Variants in CERS6 observed in about 807,000 individuals in gnomAD.
CERS6 encodes the protein ceramide synthase 6.
Under a neutral mutation model 56.8 loss-of-function variants are expected in CERS6, and 26 were observed. The observed-to-expected ratio is 0.46, with a 90% CI of 0.34 to 0.63. The LOEUF (loss-of-function observed/expected upper bound fraction) is 0.63. Ranked by LOEUF, CERS6 falls within the 30% of genes least tolerant of loss-of-function variation. The probability of loss-of-function intolerance (pLI) is 0.01; values close to 1 mark genes in which losing one functional copy is unlikely to be tolerated. For missense variants in CERS6, 415 were observed against 467.5 expected, an observed-to-expected ratio of 0.89 and a Z score of 1.04; for synonymous variants, 164 against 173.3, an observed-to-expected ratio of 0.95 and a Z score of 0.42.
chr2:168,585,471 T>C (rs1683519249), intron 3 of CERS6, among the ~76,000 whole-genome samples: 1 of 152,216 alleles, frequency 6.6e-6, no homozygotes, highest in Non-Finnish European at 1.5e-5. Context: ...AGATCTGAAC[T>C]AAAGCCTTCT....
At chr2:168,681,409 T>A (rs1686211780) in intron 4 of CERS6, among the ~76,000 whole-genome samples, 1 of 152,244 alleles carries the variant, frequency 6.6e-6, no homozygotes. Flanking sequence ...AATTATTGAA[T>A]AATTTGAGGG....
chr2:168,704,147 T>A (rs1686873628), intron 6 of CERS6, among the ~76,000 whole-genome samples: 1 of 152,160 alleles, frequency 6.6e-6, no homozygotes, highest in African/African-American at 2.4e-5. Context: ...CATCTTTAGA[T>A]CTCATGGTCA....
chr2:168,607,101 G>A (rs1329143842), intron 3 of CERS6, among the ~76,000 whole-genome samples: 2 of 151,890 alleles, frequency 1.3e-5, no homozygotes, highest in Admixed American at 1.3e-4. Context: ...ATTACAATGG[G>A]TTTTTACATT....
chr2:168,682,527 G>A (rs1336630803), intron 4 of CERS6, among the ~76,000 whole-genome samples: 2 of 152,122 alleles, frequency 1.3e-5, no homozygotes, highest in Non-Finnish European at 2.9e-5. Context: ...TTTTAGCATA[G>A]CGGTAGTGAG....
intron 2 of CERS6, among the ~76,000 whole-genome samples, chr2:168,558,109 C>T (rs1695716605): frequency 1.3e-5 from 2 of 152,102 alleles, no homozygotes; most frequent in African/African-American, 4.8e-5. Context: ...AAAATGGAAA[C>T]GTCTGATATC....
intron 8 of CERS6, among the ~76,000 whole-genome samples, chr2:168,741,009 G>A (rs6433089): frequency 0.15 from 22,982 of 152,082 alleles, 2,030 homozygotes; most frequent in African/African-American, 0.25. Flanking sequence ...TAGAGGTAGA[G>A]AGAGTGATGC....
At chr2:168,699,612 T>C (rs1218888298) in intron 6 of CERS6, among the ~76,000 whole-genome samples, 1 of 152,228 alleles carries the variant, frequency 6.6e-6, no homozygotes, top group East Asian at 1.9e-4. Flanking sequence ...TTTAAATTGC[T>C]GTATTTCCAT....
intron 1 of CERS6, among the ~76,000 whole-genome samples, chr2:168,469,103 A>G (rs144457774): frequency 9.1e-4 from 138 of 152,334 alleles, no homozygotes; most frequent in African/African-American, 3.1e-3. Context: ...AAATGGAAAC[A>G]TTCAAAATTA....
intron 3 of CERS6, among the ~76,000 whole-genome samples, chr2:168,603,396 A>T (rs548071275): frequency 9.2e-5 from 14 of 152,334 alleles, no homozygotes; most frequent in Admixed American, 2.0e-4. Flanking sequence ...CTTTATGGGA[A>T]ATAACTACAG....
chr2:168,671,724 A>G (rs1574147624), intron 4 of CERS6, among the ~76,000 whole-genome samples: 1 of 152,222 alleles, frequency 6.6e-6, no homozygotes, highest in Non-Finnish European at 1.5e-5. Flanking sequence ...ATATATGAAG[A>G]TGGAGTCATT....
chr2:168,513,376 C>T (rs1189163582), intron 1 of CERS6, among the ~76,000 whole-genome samples: 2 of 152,076 alleles, frequency 1.3e-5, no homozygotes, highest in African/African-American at 2.4e-5. Flanking sequence ...TTCCAGGGTC[C>T]CATTCAGAAT....
At chr2:168,745,347 T>C in intron 8 of CERS6, among the ~76,000 whole-genome samples, 1 of 152,162 alleles carries the variant, frequency 6.6e-6, no homozygotes, top group South Asian at 2.1e-4. Context: ...GTTCACGCCA[T>C]TCTCCTGCCT....
intron 4 of CERS6, among the ~76,000 whole-genome samples, chr2:168,682,694 G>T (rs1330682699): frequency 6.6e-6 from 1 of 152,180 alleles, no homozygotes; most frequent in African/African-American, 2.4e-5. Context: ...GGGGGTGGGA[G>T]TTGGTGGATA....
intron 1 of CERS6, among the ~76,000 whole-genome samples, chr2:168,535,482 C>G (rs960789828): frequency 6.6e-6 from 1 of 152,002 alleles, no homozygotes; most frequent in Non-Finnish European, 1.5e-5. Context: ...GCCGCCATAC[C>G]ACACTGCGCT....
chr2:168,735,939 C>T (rs1343683402), intron 8 of CERS6, among the ~76,000 whole-genome samples: 2 of 149,800 alleles, frequency 1.3e-5, no homozygotes, highest in Non-Finnish European at 1.5e-5. Flanking sequence ...AGTGGGGTGA[C>T]TCACACCTGT....
chr2:168,547,270 A>T (rs1695482526), intron 1 of CERS6, among the ~76,000 whole-genome samples: 1 of 152,248 alleles, frequency 6.6e-6, no homozygotes, highest in Admixed American at 6.5e-5. Flanking sequence ...AAGTTATATT[A>T]TTTTGAAATC....
chr2:168,522,034 T>C (rs1201533120), intron 1 of CERS6, among the ~76,000 whole-genome samples: 1 of 152,228 alleles, frequency 6.6e-6, no homozygotes, highest in African/African-American at 2.4e-5. Flanking sequence ...TGGGTAGTGA[T>C]TGATTTGAGA....
At chr2:168,705,212 G>A (rs1232098095) in intron 6 of CERS6, among the ~76,000 whole-genome samples, 1 of 152,106 alleles carries the variant, frequency 6.6e-6, no homozygotes, top group East Asian at 1.9e-4. Context: ...TTGCTTTATA[G>A]GGTTGTTGTT....
intron 4 of CERS6, among the ~76,000 whole-genome samples, chr2:168,645,993 G>A (rs7583058): frequency 0.54 from 82,011 of 151,866 alleles, 23,995 homozygotes; most frequent in African/African-American, 0.78. Flanking sequence ...TAGGGCTGCA[G>A]TGAACGTTCA....
Sources: gnomAD v4.1 joint callset for allele counts (sites outside exome capture counted in the v4.1 genomes callset) on GRCh38, gnomAD v4.1.1 for gene constraint, MANE v1.5 for transcripts, NCBI Gene and HGNC (gene_info 2026-07-23, HGNC 2026-07-21) for gene names.